Variants in FHIT observed in about 807,000 individuals in gnomAD.
The protein encoded by FHIT is fragile histidine triad diadenosine triphosphatase, also known as bis(5'-adenosyl)-triphosphatase.
Under a neutral mutation model 17.9 loss-of-function variants are expected in FHIT, and 19 were observed. The observed-to-expected ratio is 1.06, with a 90% CI of 0.74 to 1.56. The LOEUF (loss-of-function observed/expected upper bound fraction) is 1.56. Ranked by LOEUF, FHIT falls within the 40% of genes most tolerant of loss-of-function variation. The pLI is 0.00. For missense variants in FHIT, 248 were observed against 189.2 expected (o/e 1.31, Z -1.82); for synonymous variants, 81 against 69.7 (o/e 1.16, Z -0.81).
intron 8 of FHIT, among the ~76,000 whole-genome samples, chr3:59,908,987 A>T (rs1704731122): frequency 6.6e-6 from 1 of 151,956 alleles, no homozygotes; most frequent in Non-Finnish European, 1.5e-5. Flanking sequence ...ATAAAACTGT[A>T]GACTATCACA....
At chr3:61,204,654 CTA>C (rs1491182764) in intron 1 of FHIT, among the ~76,000 whole-genome samples, 2 of 151,914 alleles carry the variant, frequency 1.3e-5, no homozygotes, top group Non-Finnish European at 2.9e-5. Context: ...TAAAATCTTG[CTA>C]TGTGTTGTTT....
intron 3 of FHIT, among the ~76,000 whole-genome samples, chr3:60,878,063 T>C (rs377316814): frequency 6.6e-6 from 1 of 152,118 alleles, no homozygotes; most frequent in Non-Finnish European, 1.5e-5. Context: ...GTACCATGCA[T>C]GCTGTGCTCA....
chr3:61,247,242 T>A (rs2040509458), intron 1 of FHIT, among the ~76,000 whole-genome samples: 1 of 152,204 alleles, frequency 6.6e-6, no homozygotes, highest in African/African-American at 2.4e-5. Context: ...TGATCCTCAT[T>A]CCTGTTGCTC....
intron 4 of FHIT, among the ~76,000 whole-genome samples, chr3:60,752,412 T>G (rs966548389): frequency 6.6e-6 from 1 of 152,154 alleles, no homozygotes; most frequent in African/African-American, 2.4e-5. Flanking sequence ...CTCATGAAAC[T>G]AAGGCTTCTG....
chr3:61,171,578 T>A (rs985190518), intron 2 of FHIT, among the ~76,000 whole-genome samples: 1 of 152,306 alleles, frequency 6.6e-6, no homozygotes, highest in African/African-American at 2.4e-5. Context: ...GACTATTTAT[T>A]CAACTTTCAT....
intron 3 of FHIT, among the ~76,000 whole-genome samples, chr3:60,829,541 A>C (rs1702243905): frequency 6.6e-6 from 1 of 152,284 alleles, no homozygotes; most frequent in East Asian, 1.9e-4. Context: ...AATTATTTGG[A>C]AAGTTATTAG....
At chr3:60,553,850 C>T (rs2036652465) in intron 4 of FHIT, among the ~76,000 whole-genome samples, 1 of 151,998 alleles carries the variant, frequency 6.6e-6, no homozygotes, top group Non-Finnish European at 1.5e-5. Flanking sequence ...CTTTAGGAGG[C>T]CTAGGAGGGC....
intron 5 of FHIT, among the ~76,000 whole-genome samples, chr3:60,275,538 G>A (rs569418988): frequency 5.3e-5 from 8 of 152,160 alleles, no homozygotes; most frequent in Non-Finnish European, 7.4e-5. Context: ...AGGTTTTTCC[G>A]GTAGTCTTGT....
At chr3:60,328,723 T>A (rs1176852070) in intron 5 of FHIT, among the ~76,000 whole-genome samples, 59 of 152,252 alleles carry the variant, frequency 3.9e-4, no homozygotes, top group Non-Finnish European at 5.9e-5. Context: ...AGACCACCAA[T>A]AATAAGATTG....
At chr3:60,749,664 A>G in intron 4 of FHIT, among the ~76,000 whole-genome samples, 1 of 152,222 alleles carries the variant, frequency 6.6e-6, no homozygotes, top group Non-Finnish European at 1.5e-5. Flanking sequence ...AACATGCTGA[A>G]TAAGACACAG....
intron 5 of FHIT, among the ~76,000 whole-genome samples, chr3:60,051,233 T>G (rs1398498730): frequency 6.6e-6 from 1 of 151,892 alleles, no homozygotes; most frequent in African/African-American, 2.4e-5. Context: ...AAATTTAGCC[T>G]GAGGCTGTCT....
chr3:59,895,741 C>T (rs1158834946), intron 8 of FHIT, among the ~76,000 whole-genome samples: 2 of 152,206 alleles, frequency 1.3e-5, no homozygotes, highest in East Asian at 3.8e-4. Flanking sequence ...TTCCATTCTC[C>T]ACAGAGCAAT....
At chr3:60,175,462 T>C (rs1393664717) in intron 5 of FHIT, among the ~76,000 whole-genome samples, 1 of 152,114 alleles carries the variant, frequency 6.6e-6, no homozygotes, top group Admixed American at 6.5e-5. Context: ...AGTTATAATA[T>C]CTTGGAAGAC....
chr3:60,729,324 C>T (rs999929824), intron 4 of FHIT, among the ~76,000 whole-genome samples: 2 of 152,172 alleles, frequency 1.3e-5, no homozygotes, highest in Non-Finnish European at 2.9e-5. Flanking sequence ...AACCACAGAA[C>T]TGGCTTTAAC....
chr3:60,512,889 T>G (rs1347755404), intron 5 of FHIT, among the ~76,000 whole-genome samples: 1 of 152,170 alleles, frequency 6.6e-6, no homozygotes, highest in Non-Finnish European at 1.5e-5. Context: ...AATAACCAAA[T>G]GCAATTTATT....
chr3:60,866,761 G>GCT (rs1163115074), intron 3 of FHIT, among the ~76,000 whole-genome samples: 1 of 152,162 alleles, frequency 6.6e-6, no homozygotes, highest in Non-Finnish European at 1.5e-5. Flanking sequence ...CATATTTAGT[G>GCT]CTCTCTCTCA....
intron 2 of FHIT, among the ~76,000 whole-genome samples, chr3:61,124,143 G>A (rs1200944586): frequency 6.6e-6 from 1 of 152,222 alleles, no homozygotes; most frequent in Non-Finnish European, 1.5e-5. Context: ...AGTCTGGGTT[G>A]AGGACGGCTA....
intron 4 of FHIT, among the ~76,000 whole-genome samples, chr3:60,583,742 T>C (rs1311752668): frequency 6.6e-6 from 1 of 152,088 alleles, no homozygotes; most frequent in Non-Finnish European, 1.5e-5. Flanking sequence ...CTGTATTCAT[T>C]TGCCATAACG....
chr3:60,977,518 G>T (rs1710312468), intron 3 of FHIT, among the ~76,000 whole-genome samples: 1 of 152,190 alleles, frequency 6.6e-6, no homozygotes, highest in Non-Finnish European at 1.5e-5. Flanking sequence ...AACAATTGCA[G>T]ATGCTGTAAT....
Sources: allele counts gnomAD v4.1 joint callset (sites outside exome capture counted in the v4.1 genomes callset), GRCh38; gene constraint gnomAD v4.1.1; transcripts MANE v1.5; gene names NCBI Gene and HGNC (gene_info 2026-07-23, HGNC 2026-07-21).